MCTP1: variants seen among roughly 807,000 people sequenced by gnomAD.
The protein encoded by MCTP1 is multiple C2 and transmembrane domain-containing protein 1.
MCTP1 carries 69 observed loss-of-function variants against 120.6 expected under a neutral mutation model. That is an observed-to-expected ratio of 0.57 (90% CI 0.47 to 0.70). MCTP1 has a LOEUF of 0.70. MCTP1 is among the 30% of genes least tolerant of loss of function. The pLI is 0.00. For synonymous variants in MCTP1, 529 were observed against 493.1 expected, an observed-to-expected ratio of 1.07 and a Z score of -0.96; for missense variants, 1,203 against 1,248.8, an observed-to-expected ratio of 0.96 and a Z score of 0.55.
intron 1 of MCTP1, 104 bp from the exon 2 acceptor site, chr5:95,017,588 A>G (rs1327021550): frequency 2.0e-6 from 1 of 493,938 alleles, no homozygotes. Context: ...GAATTAGTCA[A>G]TAAAATAAAT....
Position 95,017,426 on chromosome 5 carries a change from A to G in MCTP1, c.779T>C (p.Met260Thr). The G allele has an allele frequency of 6.2e-7, 1 of 1,611,074 alleles. No individual in the cohort carries two copies. The highest frequency in any genetic ancestry group is 8.5e-7 in the Non-Finnish European group (1 of 1,178,074). ...TCTTAATGTAATGTCCAGCTGGTACATTCCGGGATCAGCCAAGGGGACTTC... is the reference window on the plus strand; with the variant it reads ...TCTTAATGTAATGTCCAGCTGGTACGTTCCGGGATCAGCCAAGGGGACTTC... ...NAEVPLADPG[M>T]YQLDITLRRG... Residue 260 changes from methionine (M) to threonine (T), a missense_variant, in exon 2 of 23, where the codon ATG (methionine) becomes ACG (threonine). Physicochemically the swap from Met to Thr is moderately conservative, Grantham distance 81 (BLOSUM62 -1). Around this residue, in one of 2 missense-constraint regions of MCTP1, gnomAD observed 463 missense variants for 377.8 expected, o/e 1.23. Transcript: ENST00000515393.
chr5:94,894,867 CTT>C (rs34628738), intron 10 of MCTP1, 32 bp from the exon 11 acceptor site: 12,210 of 976,526 alleles, frequency 0.013, no homozygotes, highest in South Asian at 0.025. Context: ...CAGCAAGTGG[CTT>C]TTTTTTTTTT....
intron 7 of MCTP1, among the ~76,000 whole-genome samples, chr5:94,921,233 A>G (rs1313583862): frequency 6.6e-6 from 1 of 152,250 alleles, no homozygotes; most frequent in Non-Finnish European, 1.5e-5. Flanking sequence ...GGTAATTGTC[A>G]TATCCATGGC....
chr5:94,806,569 A>C lies in MCTP1; in HGVS notation c.2437-7437T>G, dbSNP rs566044281. On this transcript the variant is annotated intron_variant, in intron 17 of 22. Coordinates refer to ENST00000515393, the MANE Select transcript of MCTP1 (RefSeq NM_024717.7). ...TCAATTGATGCTCTCATTGAAGTGC[A>C]GTGGAAGATGCCTGCATTCAATGAT... 3.9e-5 allele frequency among the ~76,000 whole-genome samples: 6 copies of C among 152,328 alleles called. No individual in the cohort carries two copies. In the East Asian group the frequency reaches 1.2e-3, roughly 29 times the overall value.
intron 1 of MCTP1, among the ~76,000 whole-genome samples, chr5:95,032,331 G>C (rs1840457087): frequency 6.6e-6 from 1 of 152,014 alleles, no homozygotes; most frequent in Non-Finnish European, 1.5e-5. Context: ...TTGACCACAT[G>C]CTTCGTCATA....
intron 19 of MCTP1, among the ~76,000 whole-genome samples, chr5:94,748,006 C>T (rs1026032301): frequency 1.3e-5 from 2 of 152,154 alleles, no homozygotes; most frequent in African/African-American, 2.4e-5. Context: ...AAAATAATTG[C>T]TTGAACCCAG....
intron 1 of MCTP1, among the ~76,000 whole-genome samples, chr5:95,266,086 G>A (rs901570688): frequency 2.0e-5 from 3 of 152,168 alleles, no homozygotes; most frequent in Non-Finnish European, 4.4e-5. Flanking sequence ...GGTAAATGCT[G>A]CAGGCTACAG....
At chr5:95,015,378 G>A (rs1430711717) in intron 2 of MCTP1, among the ~76,000 whole-genome samples, 3 of 151,980 alleles carry the variant, frequency 2.0e-5, no homozygotes, top group African/African-American at 7.2e-5. Context: ...CTATTTTGGG[G>A]TGCTAAAATA....
rs190512949 is a variant in MCTP1, at chr5:94,719,520, A to T, written c.2611-4634T>A. Among the ~76,000 whole-genome samples the T allele has an allele frequency of 2.0e-4, 31 of 152,348 alleles. No homozygotes were observed. In the South Asian group the frequency reaches 2.1e-3, roughly 10 times the overall value. ...GAACTAGATCATGTCCTTTGCAGGT[A>T]CATGGATGGAGCTGGAAGCCATTAT... On this transcript the variant is annotated intron_variant, in intron 19 of 22. Transcript: ENST00000515393.
At chr5:95,059,619 C>T (rs1428618003) in intron 1 of MCTP1, among the ~76,000 whole-genome samples, 1 of 152,054 alleles carries the variant, frequency 6.6e-6, no homozygotes, top group Non-Finnish European at 1.5e-5. Context: ...AAAGACTATC[C>T]TCTGAAATGT....
chr5:94,826,125 G>T, intron 17 of MCTP1: 2 of 345,582 alleles, frequency 5.8e-6, no homozygotes, highest in African/African-American at 2.2e-5. Flanking sequence ...CAGATCTCAT[G>T]AATCAGATCC....
intron 3 of MCTP1, among the ~76,000 whole-genome samples, chr5:94,942,807 A>G (rs1440572764): frequency 6.6e-6 from 1 of 152,068 alleles, no homozygotes; most frequent in Non-Finnish European, 1.5e-5. Context: ...TAGGCCATTA[A>G]AGATACATTT....
At chr5:94,812,115 A>T (rs536276058) in intron 17 of MCTP1, among the ~76,000 whole-genome samples, 1 of 152,274 alleles carries the variant, frequency 6.6e-6, no homozygotes, top group South Asian at 2.1e-4. Context: ...ATTTACTGTG[A>T]TCAATTTTCC....
intron 2 of MCTP1, among the ~76,000 whole-genome samples, chr5:95,008,013 G>C (rs184601775): frequency 6.6e-6 from 1 of 152,240 alleles, no homozygotes; most frequent in East Asian, 1.9e-4. Flanking sequence ...GACGTAGCCT[G>C]AATTTCTACC....
chr5:94,772,513 G>A (rs992763675), intron 19 of MCTP1, among the ~76,000 whole-genome samples: 2 of 152,134 alleles, frequency 1.3e-5, no homozygotes, highest in Non-Finnish European at 2.9e-5. Flanking sequence ...AAGGTCAGAT[G>A]ATTAGCACCC....
chr5:95,193,993 T>G (rs879779213), intron 1 of MCTP1, among the ~76,000 whole-genome samples: 9 of 152,064 alleles, frequency 5.9e-5, no homozygotes, highest in Non-Finnish European at 1.0e-4. Context: ...GGTAGATCAC[T>G]TGAGATCAGG....
At chr5:95,165,854 G>C (rs1385167042) in intron 1 of MCTP1, among the ~76,000 whole-genome samples, 1 of 152,144 alleles carries the variant, frequency 6.6e-6, no homozygotes, top group Admixed American at 6.5e-5. Context: ...CACTGACTCT[G>C]ATGTTCCCAA....
chr5:94,916,991 T>A (rs1406614368), intron 8 of MCTP1, among the ~76,000 whole-genome samples: 4 of 152,244 alleles, frequency 2.6e-5, no homozygotes, highest in Admixed American at 2.0e-4. Context: ...AAAGTCCTTT[T>A]TTAGTCCTGC....
chr5:95,145,142 T>C (rs1760274809), intron 1 of MCTP1, among the ~76,000 whole-genome samples: 1 of 152,134 alleles, frequency 6.6e-6, no homozygotes, highest in Non-Finnish European at 1.5e-5. Flanking sequence ...CTTAGATACT[T>C]CAATTTTTTG....
Sources: gnomAD v4.1 joint callset for allele counts (sites outside exome capture counted in the v4.1 genomes callset) on GRCh38, gnomAD v4.1.1 for gene constraint, gnomAD v4.1.1 regional missense constraint, MANE v1.5 for transcripts, NCBI Gene and HGNC (gene_info 2026-07-23, HGNC 2026-07-21) for gene names.